Variants in USP38 observed in about 807,000 individuals in gnomAD.
The protein encoded by USP38 is ubiquitin specific peptidase 38.
USP38 carries 49 observed loss-of-function variants against 94.3 expected under a neutral mutation model. The ratio of observed to expected loss-of-function variants is 0.52; its 90% CI spans 0.41 to 0.66. USP38 has a LOEUF of 0.66. Ranked by LOEUF, USP38 falls within the 30% of genes least tolerant of loss-of-function variation. The pLI, the probability that USP38 is intolerant of heterozygous loss-of-function variation, is 0.00. For synonymous variants in USP38, 468 were observed against 463.6 expected, an observed-to-expected ratio of 1.01 and a Z score of -0.12; for missense variants, 1,128 against 1,229.4, an observed-to-expected ratio of 0.92 and a Z score of 1.23.
intron 8 of USP38, among the ~76,000 whole-genome samples, chr4:143,213,280 T>C (rs1026287140): frequency 3.3e-5 from 5 of 152,162 alleles, no homozygotes; most frequent in African/African-American, 9.6e-5. Flanking sequence ...TTCTATGAGA[T>C]GTCAGGAAGA....
chr4:143,214,990 GAC>G (rs766158270), intron 9 of USP38, 47 bp downstream of exon 9: 3 of 1,553,754 alleles, frequency 1.9e-6, no homozygotes, highest in South Asian at 2.3e-5. Context: ...TTAAACAATT[GAC>G]ACAGTTAAAT....
At chr4:143,212,510 CAT>C (rs1732054927) in intron 8 of USP38, 86 bp downstream of exon 8, 2 of 748,524 alleles carry the variant, frequency 2.7e-6, no homozygotes, top group South Asian at 2.8e-5. Flanking sequence ...CCTTTAAAAA[CAT>C]ATTTCAAATA....
rs1339453620 is a variant in USP38 at position 143,221,891 on chromosome 4, A to G, written c.*1435A>G. 2.6e-5 allele frequency: 4 copies of G among 152,118 alleles called. No individual in the cohort carries two copies. The highest frequency in any genetic ancestry group is 4.8e-5 in the African/African-American group (2 of 41,470). 9.4% of individuals were successfully genotyped at this position (152,118 alleles called of 1,614,324 possible). A position where few individuals can be genotyped will look rare whatever the true frequency, so the allele number is the denominator to read the frequency against. On this transcript the variant is annotated 3_prime_UTR_variant, in exon 10 of 10. Coordinates refer to ENST00000307017, the MANE Select transcript of USP38 (RefSeq NM_032557.6). ...ACCTCCCATTCCTAACCTGTTTCCA[A>G]TCACCAGGAAGATTAGGAAGGCAGA...
chr4:143,218,697 A>G (rs969764964), intron 9 of USP38, among the ~76,000 whole-genome samples: 11 of 152,154 alleles, frequency 7.2e-5, no homozygotes, highest in African/African-American at 2.4e-4. Flanking sequence ...AAAAACGTCT[A>G]TGCAAGATTT....
At chr4:143,192,650 G>A (rs1467350239) in intron 2 of USP38, among the ~76,000 whole-genome samples, 5 of 147,970 alleles carry the variant, frequency 3.4e-5, no homozygotes, top group Non-Finnish European at 7.4e-5. Context: ...TCCTCACTTG[G>A]CAGAAAGAGC....
chr4:143,189,749 A>T (rs1405577321), intron 2 of USP38, among the ~76,000 whole-genome samples: 1 of 151,930 alleles, frequency 6.6e-6, no homozygotes, highest in Non-Finnish European at 1.5e-5. Context: ...TCTTATGTAA[A>T]TGTTTTTCCT....
intron 9 of USP38, 45 bp downstream of exon 9, chr4:143,214,988 T>G (rs1239791665): frequency 6.4e-7 from 1 of 1,556,410 alleles, no homozygotes; most frequent in African/African-American, 1.4e-5. Flanking sequence ...TATTAAACAA[T>G]TGACACAGTT....
chr4:143,194,923 A>G (rs1240805874), intron 2 of USP38, among the ~76,000 whole-genome samples: 2 of 150,470 alleles, frequency 1.3e-5, no homozygotes, highest in African/African-American at 4.9e-5. Flanking sequence ...TAAATTGGGT[A>G]ATTTAATGAG....
intron 5 of USP38, 46 bp from the exon 6 acceptor site, chr4:143,205,987 A>T: frequency 2.2e-6 from 3 of 1,362,468 alleles, no homozygotes; most frequent in Non-Finnish European, 2.9e-6. Context: ...AACAAAAATA[A>T]TTTTTACTTT....
At chr4:143,218,755 A>G (rs925803059) in intron 9 of USP38, among the ~76,000 whole-genome samples, 2 of 152,144 alleles carry the variant, frequency 1.3e-5, no homozygotes, top group East Asian at 1.9e-4. Context: ...CTTGAACTCT[A>G]CCTTACATGT....
At chr4:143,188,482 C>T (rs61242181) in intron 2 of USP38, among the ~76,000 whole-genome samples, 3,474 of 152,022 alleles carry the variant, frequency 0.023, 122 homozygotes, top group African/African-American at 0.08. Context: ...TACTGTATTA[C>T]CTTTGGGCAT....
chr4:143,195,982 CT>C, intron 3 of USP38, 137 bp downstream of exon 3: 2 of 862,908 alleles, frequency 2.3e-6, no homozygotes, highest in Admixed American at 3.7e-5. Context: ...TTTGAATAGG[CT>C]TTAGAAATTT....
chr4:143,197,364 T>G (rs904794909), intron 3 of USP38, among the ~76,000 whole-genome samples: 1 of 152,234 alleles, frequency 6.6e-6, no homozygotes, highest in African/African-American at 2.4e-5. Context: ...TTAAATTTCT[T>G]AATAACACTA....
rs1339717313 is a variant in USP38, at chr4:143,219,461, T to C, written c.2968-834T>C. Among the ~76,000 whole-genome samples the C allele has an allele frequency of 3.3e-5, 5 of 152,072 alleles. No homozygotes were observed. In the East Asian group the frequency reaches 9.6e-4, roughly 29 times the overall value. ...TAGGCCTTAAGTTGAAAAATCGAAA[T>C]AATAGTGTTTTCGTTATTAATGTTA... On this transcript the variant is annotated intron_variant, in intron 9 of 9. Coordinates refer to ENST00000307017, the MANE Select transcript of USP38 (RefSeq NM_032557.6).
intron 4 of USP38, among the ~76,000 whole-genome samples, chr4:143,201,161 G>A (rs1040084543): frequency 6.6e-5 from 10 of 152,060 alleles, no homozygotes; most frequent in Non-Finnish European, 1.0e-4. Context: ...TTAAAACAGC[G>A]TGGTACTGGT....
intron 1 of USP38, among the ~76,000 whole-genome samples, chr4:143,187,281 A>C (rs1405999074): frequency 1.3e-5 from 2 of 152,182 alleles, no homozygotes; most frequent in African/African-American, 4.8e-5. Context: ...TCTTCCTTAG[A>C]GCAATGTAAT....
At chr4:143,202,542 TG>T (rs928380234) in intron 4 of USP38, among the ~76,000 whole-genome samples, 24 of 152,058 alleles carry the variant, frequency 1.6e-4, no homozygotes, top group Non-Finnish European at 2.9e-4. Context: ...AAAAATTAAT[TG>T]AAAAAAATAT....
In USP38 at chr4:143,214,085, T is replaced by C. The variant is rs1732112299; in HGVS notation, c.2109T>C (p.Asn703=). 4 of 1,613,578 alleles carry C rather than the reference T, an allele frequency of 2.5e-6. No individual in the cohort carries two copies. Among genetic ancestry groups the C allele is most frequent in the Non-Finnish European group, 8.5e-7 (1 of 1,179,784 alleles). Residue 703 remains asparagine, a synonymous_variant, in exon 9 of 10, where the codon AAT becomes AAC. Transcript: ENST00000307017. ...VPNESNKILV[N]KDVPQKPGGE... is the part of the protein sequence containing the mutation. ...ACGAATCTAACAAGATTCTTGTTAA[T>C]AAAGATGTACCTCAGAAACCAGGAG...
chr4:143,205,998 A>G, intron 5 of USP38, 35 bp from the exon 6 acceptor site: 3 of 1,405,498 alleles, frequency 2.1e-6, no homozygotes, highest in Non-Finnish European at 2.8e-6. Context: ...TTTTTACTTT[A>G]CTTTTAAACT....
Sources: gnomAD v4.1 joint callset for allele counts (sites outside exome capture counted in the v4.1 genomes callset) on GRCh38, gnomAD v4.1.1 for gene constraint, MANE v1.5 for transcripts, NCBI Gene and HGNC (gene_info 2026-07-23, HGNC 2026-07-21) for gene names.